MARK2: variants seen among roughly 807,000 people sequenced by gnomAD.
MARK2 encodes the protein serine/threonine-protein kinase MARK2.
A neutral mutation model predicts 89.8 loss-of-function variants in MARK2; 16 were observed. The ratio of observed to expected loss-of-function variants is 0.18; its 90% confidence interval spans 0.12 to 0.27. The LOEUF is 0.27. Among genes scored for constraint, MARK2 ranks in the 10% least tolerant of loss-of-function variants. The pLI, the probability that MARK2 is intolerant of heterozygous loss-of-function variation, is 1.00. For missense variants in MARK2, 621 were observed against 1,049.9 expected, an observed-to-expected ratio of 0.59 and a Z score of 5.65; for synonymous variants, 382 against 399.5, an observed-to-expected ratio of 0.96 and a Z score of 0.52.
rs1037397736 is a variant in MARK2, at chr11:63,847,623, A to G, written c.54+8063A>G. ...TGAGGCGAAAGTTTGGAAGACAACT[A>G]TCTGTCAACAACCCCCTTCTCCCCA... On this transcript the variant is annotated intron_variant, in intron 1 of 18. Transcript: ENST00000402010. Among the ~76,000 whole-genome samples the G allele has an allele frequency of 3.8e-4, 57 of 151,696 alleles. 1 individual carries two copies.
intron 1 of MARK2, among the ~76,000 whole-genome samples, chr11:63,872,557 T>G (rs1383556548): frequency 6.6e-6 from 1 of 150,992 alleles, no homozygotes; most frequent in Non-Finnish European, 1.5e-5. Context: ...CTTTACTGCT[T>G]TCCCAGAGGC....
At chr11:63,908,483 C>T (rs752139675) in intron 18 of MARK2, among the ~76,000 whole-genome samples, 179 bp downstream of exon 18, 4 of 152,202 alleles carry the variant, frequency 2.6e-5, no homozygotes, top group Non-Finnish European at 2.9e-5. Flanking sequence ...GCAGGAGTTA[C>T]GGGCCCTTCT....
intron 1 of MARK2, among the ~76,000 whole-genome samples, chr11:63,893,040 C>CTGGGATTACAGGT (rs1030766705): frequency 2.0e-5 from 3 of 151,262 alleles, no homozygotes; most frequent in Admixed American, 2.0e-4. Context: ...TCCCTAGTAG[C>CTGGGATTACAGGT]TGGGATTACA....
At chr11:63,864,918 C>T (rs982029782) in intron 1 of MARK2, among the ~76,000 whole-genome samples, 5 of 152,056 alleles carry the variant, frequency 3.3e-5, no homozygotes, top group African/African-American at 9.7e-5. Context: ...TCTTTTGAGA[C>T]GAGAGTCTGA....
At chr11:63,908,756 C>G in intron 18 of MARK2, 121 bp from the exon 19 acceptor site, 1 of 1,027,260 alleles carries the variant, frequency 9.7e-7, no homozygotes, top group African/African-American at 1.6e-5. Context: ...AGGGGCCACG[C>G]CTGGCTGCTC....
At chr11:63,852,693 AGAAAT>A in intron 1 of MARK2, among the ~76,000 whole-genome samples, 1 of 151,920 alleles carries the variant, frequency 6.6e-6, no homozygotes, top group South Asian at 2.1e-4. Context: ...AAAAAAGAAA[AGAAAT>A]GAAAGTGTAA....
At chr11:63,866,675 A>G (rs1331957947) in intron 1 of MARK2, among the ~76,000 whole-genome samples, 1 of 152,200 alleles carries the variant, frequency 6.6e-6, no homozygotes, top group Non-Finnish European at 1.5e-5. Context: ...AAGATTTTAA[A>G]TAAACCTATT....
At chr11:63,840,100 GCTT>G (rs999939059) in intron 1 of MARK2, among the ~76,000 whole-genome samples, 8 of 152,216 alleles carry the variant, frequency 5.3e-5, no homozygotes, top group Non-Finnish European at 7.4e-5. Context: ...TTTCTACCCT[GCTT>G]CTTCGTTTTC....
chr11:63,840,391 C>CT (rs2015949970), intron 1 of MARK2, among the ~76,000 whole-genome samples: 1 of 152,168 alleles, frequency 6.6e-6, no homozygotes, highest in Non-Finnish European at 1.5e-5. Context: ...CCCTGGGCCT[C>CT]TTGTTTCTCT....
Position 63,900,702 on chromosome 11 carries a change from G to T in MARK2, c.888+24G>T, listed in dbSNP as rs572896099. ...AGGTGAGCAGTGGAGCCCAACTGGC[G>T]GAAGGGCCTGGGGTCCCCACAGAAA... On this transcript the variant is annotated intron_variant, in intron 9 of 18. Transcript: ENST00000402010. The surrounding 1 kb of genome is among the most constrained non-coding windows in gnomAD (Gnocchi z 4.7). 7 of 1,613,858 alleles carry T rather than the reference G, an allele frequency of 4.3e-6. No homozygotes were observed. Among genetic ancestry groups the T allele is most frequent in the Non-Finnish European group, 4.2e-6 (5 of 1,179,748 alleles).
intron 1 of MARK2, among the ~76,000 whole-genome samples, chr11:63,879,024 G>A (rs1232619521): frequency 1.3e-5 from 2 of 152,144 alleles, no homozygotes; most frequent in African/African-American, 4.8e-5. Context: ...TTTGTATTCA[G>A]CTGGGCACGG....
intron 1 of MARK2, among the ~76,000 whole-genome samples, chr11:63,892,356 AG>A (rs1261273389): frequency 6.6e-6 from 1 of 152,234 alleles, no homozygotes; most frequent in Non-Finnish European, 1.5e-5. Context: ...TGTCAGAATC[AG>A]GATACTGTAC....
At chr11:63,854,179 A>G (rs527248355) in intron 1 of MARK2, among the ~76,000 whole-genome samples, 42 of 95,324 alleles carry the variant, frequency 4.4e-4, no homozygotes, top group African/African-American at 1.6e-3. Context: ...GGCCAAGACT[A>G]TTAATTCTGT....
rs776001526 is a variant in MARK2, at chr11:63,909,036, C to T, written c.2166C>T (p.Ser722=). Residue 722 remains serine, a synonymous_variant, in exon 19 of 19, where the codon AGC becomes AGT. Transcript: ENST00000402010. The part of the protein sequence containing the change: ...REIRKVLDAN[S]CQSELHEKYM... ...TCCGCAAGGTGCTGGACGCGAACAG[C>T]TGCCAGAGCGAGCTGCATGAGAAGT... 3.1e-6 allele frequency: 5 copies of T among 1,600,118 alleles called. No individual in the cohort carries two copies. The highest frequency in any genetic ancestry group is 4.3e-6 in the Non-Finnish European group (5 of 1,168,498).
chr11:63,894,975 TCTGGAGTGAAGACTGG>T (rs1367716435), intron 1 of MARK2, among the ~76,000 whole-genome samples, 168 bp from the exon 2 acceptor site: 1 of 152,142 alleles, frequency 6.6e-6, no homozygotes, highest in African/African-American at 2.4e-5. Flanking sequence ...GATGTGCTTC[TCTGGAGTGAAGACTGG>T]CTGTCACCTC....
At chr11:63,872,065 A>G (rs1287980618) in intron 1 of MARK2, among the ~76,000 whole-genome samples, 1 of 152,234 alleles carries the variant, frequency 6.6e-6, no homozygotes, top group African/African-American at 2.4e-5. Context: ...GAGGTTCTGC[A>G]GGCTTTTGAG....
chr11:63,895,949 C>T (rs1351838180), intron 3 of MARK2, among the ~76,000 whole-genome samples: 2 of 152,110 alleles, frequency 1.3e-5, no homozygotes, highest in Non-Finnish European at 2.9e-5. Flanking sequence ...GGATTATAGG[C>T]GTGAACCACT....
chr11:63,847,472 G>A (rs986105396), intron 1 of MARK2, among the ~76,000 whole-genome samples: 71 of 152,264 alleles, frequency 4.7e-4, no homozygotes, highest in African/African-American at 1.7e-3. Flanking sequence ...TGAGGAAGGC[G>A]GAGCAGACCA....
In MARK2 at chr11:63,900,848, A is replaced by G. The variant is rs1590687527; in HGVS notation, c.957A>G (p.Pro319=). ...EDDELKPYVE[P]LPDYKDPRRT... Reference sequence around the variant, plus strand: ...ATGAACTAAAGCCTTACGTGGAGCCACTCCCTGACTACAAGGACCCCCGGC... The same window carrying G: ...ATGAACTAAAGCCTTACGTGGAGCCGCTCCCTGACTACAAGGACCCCCGGC... The change falls in exon 10 of 19, where the codon CCA becomes CCG. Residue 319 remains proline, a synonymous_variant. Coordinates refer to ENST00000402010, the MANE Select transcript of MARK2 (RefSeq NM_001039469.3). This position sits in a 1 kb window ranked among gnomAD's most constrained non-coding sequence, Gnocchi z 4.7. 2 of 1,614,018 alleles carry G rather than the reference A, an allele frequency of 1.2e-6. No individual in the cohort carries two copies.
Sources: gnomAD v4.1 joint callset for allele counts (sites outside exome capture counted in the v4.1 genomes callset) on GRCh38, gnomAD v4.1.1 for gene constraint, Gnocchi (gnomAD v3.1) non-coding constraint, MANE v1.5 for transcripts, NCBI Gene and HGNC (gene_info 2026-07-23, HGNC 2026-07-21) for gene names.